The following SAMD12 variants were observed in gnomAD, a reference collection of about 807,000 sequenced individuals.
SAMD12 encodes the protein sterile alpha motif domain containing 12.
In SAMD12, 9 loss-of-function variants were observed where a neutral mutation model predicts 15.0. The ratio of observed to expected loss-of-function variants is 0.60; its 90% confidence interval spans 0.36 to 1.05. The LOEUF (loss-of-function observed/expected upper bound fraction) is 1.05. Ranked by LOEUF, SAMD12 falls within the 50% of genes least tolerant of loss-of-function variation. The pLI is 0.01. For synonymous variants in SAMD12, 86 were observed against 90.1 expected (o/e 0.96, Z 0.25); for missense variants, 230 against 234.2 (o/e 0.98, Z 0.12).
the SAMD12 span, among the ~76,000 whole-genome samples, chr8:118,169,527 A>C: frequency 6.6e-6 from 1 of 152,174 alleles, no homozygotes; most frequent in Non-Finnish European, 1.5e-5. Context: ...TATATAATGT[A>C]AGTCAGTATG....
At chr8:118,162,082 C>T in the SAMD12 span, among the ~76,000 whole-genome samples, 6 of 151,096 alleles carry the variant, frequency 4.0e-5, no homozygotes, top group Non-Finnish European at 8.8e-5. Flanking sequence ...ATCACTTGTA[C>T]CTGGAAGGCG....
chr8:118,209,552 C>T (rs1011837770), intron 4 of SAMD12, among the ~76,000 whole-genome samples: 2 of 152,174 alleles, frequency 1.3e-5, no homozygotes, highest in Non-Finnish European at 2.9e-5. Flanking sequence ...ATCCACTTGG[C>T]ATGAGTCTCA....
chr8:118,352,055 T>C (rs1433355544), intron 4 of SAMD12, among the ~76,000 whole-genome samples: 1 of 152,196 alleles, frequency 6.6e-6, no homozygotes, highest in East Asian at 1.9e-4. Context: ...AACTTACGAG[T>C]AGCAAAACTA....
chr8:118,618,955 A>G (rs762248742), intron 1 of SAMD12, among the ~76,000 whole-genome samples: 3 of 152,126 alleles, frequency 2.0e-5, no homozygotes, highest in Admixed American at 6.5e-5. Context: ...TGTATTTTCT[A>G]TTCCAGTTCC....
At chr8:118,231,902 A>C (rs1812317239) in intron 4 of SAMD12, among the ~76,000 whole-genome samples, 1 of 152,144 alleles carries the variant, frequency 6.6e-6, no homozygotes, top group Non-Finnish European at 1.5e-5. Context: ...GTCTAAAAAA[A>C]AAAAAGCCTT....
chr8:118,262,173 G>C (rs1362670898), intron 4 of SAMD12, among the ~76,000 whole-genome samples: 1 of 151,954 alleles, frequency 6.6e-6, no homozygotes, highest in Non-Finnish European at 1.5e-5. Flanking sequence ...AAGGGAGGCA[G>C]GTGAATCCAC....
At chr8:118,164,369 C>T in the SAMD12 span, among the ~76,000 whole-genome samples, 2 of 152,084 alleles carry the variant, frequency 1.3e-5, no homozygotes, top group Non-Finnish European at 2.9e-5. Flanking sequence ...AGTTAGCCAC[C>T]CACGCCACTG....
intron 2 of SAMD12, among the ~76,000 whole-genome samples, chr8:118,465,184 G>C (rs1436968978): frequency 1.3e-5 from 2 of 152,154 alleles, no homozygotes; most frequent in Admixed American, 1.3e-4. Flanking sequence ...TGGGGGAAGA[G>C]GGAAGGGAGG....
At chr8:118,132,821 C>T in the SAMD12 span, among the ~76,000 whole-genome samples, 1 of 151,576 alleles carries the variant, frequency 6.6e-6, no homozygotes, top group Non-Finnish European at 1.5e-5. Context: ...GATTTACTTA[C>T]ATATGTTTTT....
At chr8:118,406,890 T>TTGTG (rs3052708) in intron 3 of SAMD12, among the ~76,000 whole-genome samples, 4,157 of 147,384 alleles carry the variant, frequency 0.028, 138 homozygotes, top group African/African-American at 0.079. Context: ...CAATATTCCA[T>TTGTG]TGTGTGTGTG....
downstream of SAMD12, among the ~76,000 whole-genome samples, chr8:118,374,237 T>C (rs1008177972): frequency 3.3e-5 from 5 of 152,160 alleles, no homozygotes; most frequent in African/African-American, 9.7e-5. Context: ...AATCATGCAT[T>C]ATTTGTCCTT....
chr8:118,382,393 T>G (rs1205350189), intron 3 of SAMD12, among the ~76,000 whole-genome samples: 1 of 152,244 alleles, frequency 6.6e-6, no homozygotes, highest in African/African-American at 2.4e-5. Flanking sequence ...TTCCAGTGCA[T>G]GCAGCTCAAC....
At chr8:118,600,651 G>A (rs535319729) in intron 1 of SAMD12, among the ~76,000 whole-genome samples, 1 of 152,236 alleles carries the variant, frequency 6.6e-6, no homozygotes, top group Non-Finnish European at 1.5e-5. Flanking sequence ...CATGTTACAT[G>A]TAAAAATAAT....
At chr8:118,522,183 CACACACACACACACAT>C (rs1213223535) in intron 2 of SAMD12, among the ~76,000 whole-genome samples, 24 of 143,254 alleles carry the variant, frequency 1.7e-4, no homozygotes, top group African/African-American at 6.2e-4. Context: ...CACACATACA[CACACACACACACACAT>C]ACACACACAC....
chr8:118,209,665 G>T (rs772753086), intron 4 of SAMD12, among the ~76,000 whole-genome samples: 5 of 152,200 alleles, frequency 3.3e-5, no homozygotes, highest in Non-Finnish European at 5.9e-5. Context: ...GAAGCTGAAG[G>T]TTTAATGAGA....
chr8:118,533,909 G>A (rs947453085), intron 2 of SAMD12, among the ~76,000 whole-genome samples: 9 of 152,112 alleles, frequency 5.9e-5, no homozygotes, highest in Admixed American at 5.9e-4. Context: ...TTGCCAGTCT[G>A]TGTCTTTTAA....
rs566334734 is a variant in SAMD12 at position 118,425,086 on chromosome 8, C to T, written c.322+14746G>A. ...CCTGAGTAGCTGGGACTACAGGCGC[C>T]CGCCACCACGCCCAGCTAATTTTTT... is the stretch of plus-strand genomic sequence containing the variant. On this transcript the variant is annotated intron_variant, in intron 3 of 3. Transcript: ENST00000314727. 2.6e-5 allele frequency among the ~76,000 whole-genome samples: 4 copies of T among 151,966 alleles called. No individual in the cohort carries two copies. In the East Asian group the frequency reaches 7.8e-4, roughly 30 times the overall value.
At chr8:118,604,813 T>TG (rs2131304433) in intron 1 of SAMD12, among the ~76,000 whole-genome samples, 1 of 151,770 alleles carries the variant, frequency 6.6e-6, no homozygotes, top group East Asian at 1.9e-4. Flanking sequence ...TCCCAGCTAC[T>TG]GGGGAGGCTG....
chr8:118,170,186 G>C, the SAMD12 span, among the ~76,000 whole-genome samples: 6 of 152,036 alleles, frequency 3.9e-5, no homozygotes, highest in African/African-American at 1.4e-4. Flanking sequence ...TTCTCATTTG[G>C]GGAAACGATT....
Sources: allele counts gnomAD v4.1 joint callset (sites outside exome capture counted in the v4.1 genomes callset), GRCh38; gene constraint gnomAD v4.1.1; transcripts MANE v1.5; gene names NCBI Gene and HGNC (gene_info 2026-07-23, HGNC 2026-07-21).